The following LANCL3 variants were observed in gnomAD, a reference collection of about 807,000 sequenced individuals.
LANCL3 encodes LanC like family member 3.
In LANCL3, 19 loss-of-function variants were observed where a neutral mutation model predicts 26.5. The observed-to-expected ratio is 0.72, with a 90% CI of 0.50 to 1.05. The LOEUF is 1.05. Ranked by LOEUF, LANCL3 falls within the 50% of genes least tolerant of loss-of-function variation. The probability of loss-of-function intolerance (pLI) is 0.00; values close to 1 mark genes in which losing one functional copy is unlikely to be tolerated. For synonymous variants in LANCL3, 160 were observed against 166.6 expected (o/e 0.96, Z 0.30); for missense variants, 318 against 362.7 (o/e 0.88, Z 1.00).
intron 1 of LANCL3, among the ~76,000 whole-genome samples, chrX:37,599,691 C>T (rs2146725689): frequency 8.9e-6 from 1 of 112,470 alleles, no homozygotes; most frequent in African/African-American, 3.2e-5. Flanking sequence ...AGCACCACAA[C>T]ATACAGTGGC....
intron 1 of LANCL3, among the ~76,000 whole-genome samples, chrX:37,610,804 T>C (rs1924846102): frequency 8.9e-6 from 1 of 112,549 alleles, no homozygotes; most frequent in Non-Finnish European, 1.9e-5. Flanking sequence ...TTCACCAAGA[T>C]TAGAACTTCA....
intron 1 of LANCL3, among the ~76,000 whole-genome samples, chrX:37,618,915 C>T (rs1556421984): frequency 1.8e-5 from 2 of 111,239 alleles, no homozygotes; most frequent in African/African-American, 6.5e-5. Flanking sequence ...TCATTCAACC[C>T]CTAACACATC....
In LANCL3 at chrX:37,683,450, A is replaced by G. The variant is rs1157417545; in HGVS notation, c.*7637A>G. 2 of 112,228 alleles carry G rather than the reference A, an allele frequency of 1.8e-5. No individual in the cohort carries two copies. Among genetic ancestry groups the G allele is most frequent in the Non-Finnish European group, 3.8e-5 (2 of 53,194 alleles). 9.2% of individuals were successfully genotyped at this position (112,228 alleles called of 1,213,427 possible). On this transcript the variant is annotated 3_prime_UTR_variant, in exon 5 of 5. Coordinates refer to ENST00000378619, the MANE Select transcript of LANCL3 (RefSeq NM_001170331.2). ...AGAGTTAAAAACATAAAATTATAAA[A>G]AAAAATAATAGTGATTGGTTGTTAC...
chrX:37,641,975 G>A (rs939252218), intron 1 of LANCL3, among the ~76,000 whole-genome samples: 2 of 111,609 alleles, frequency 1.8e-5, no homozygotes, highest in African/African-American at 6.5e-5. Flanking sequence ...TCATGGTGAC[G>A]GATTGGAGGG....
rs1366914975 is a variant in LANCL3, at chrX:37,648,615, T to C, written c.574-7073T>C. Among the ~76,000 whole-genome samples, 4 of 111,692 alleles carry C rather than the reference T, an allele frequency of 3.6e-5. 1 individual carries two copies. The East Asian group carries it at 1.1e-3, about 31-fold the overall frequency. ...CAAAAGCCAAAATTGACAAATGGGA[T>C]CTAATTAAACTAAAGAGCTTCTGCA... is the stretch of plus-strand genomic sequence containing the variant. On this transcript the variant is annotated intron_variant, in intron 1 of 4. Transcript: ENST00000378619.
chrX:37,647,503 C>A (rs1366809821), intron 1 of LANCL3, among the ~76,000 whole-genome samples: 1 of 111,951 alleles, frequency 8.9e-6, no homozygotes, highest in Non-Finnish European at 1.9e-5. Flanking sequence ...TAGGCAGAAG[C>A]CTATCCTACC....
In LANCL3 at chrX:37,655,754, A is replaced by G. The variant is rs781938418; in HGVS notation, c.640A>G (p.Ile214Val). The change falls in exon 2 of 5, where the codon ATA becomes GTA. Residue 214 changes from isoleucine to valine, a missense_variant. Ile to Val is a conservative substitution (Grantham distance 29). Transcript: ENST00000378619. ...AILDSGKQYA[I>V]KKRKPFPLMY... The stretch of plus-strand genomic sequence containing the variant: ...TCTGGACTCTGGGAAGCAGTATGCC[A>G]TAAAGAAGAGGAAACCATTCCCCCT... 94 of 1,202,423 alleles carry G rather than the reference A, an allele frequency of 7.8e-5. No homozygotes were observed. The highest frequency in any genetic ancestry group is 1.0e-4 in the Non-Finnish European group (92 of 888,907).
chrX:37,600,022 T>C (rs1485739654), intron 1 of LANCL3, among the ~76,000 whole-genome samples: 1 of 111,899 alleles, frequency 8.9e-6, no homozygotes, highest in Non-Finnish European at 1.9e-5. Flanking sequence ...TGTGTATCCA[T>C]GACATGCTTC....
At chrX:37,661,389 T>C (rs1602133724) in intron 3 of LANCL3, among the ~76,000 whole-genome samples, 1 of 111,988 alleles carries the variant, frequency 8.9e-6, no homozygotes. Context: ...ATATCCTCCT[T>C]TATCATTCAT....
Position 37,619,711 on chromosome X carries a change from C to T in LANCL3, c.574-35977C>T, listed in dbSNP as rs141815538. Among the ~76,000 whole-genome samples, 24 of 111,561 alleles carry T rather than the reference C, an allele frequency of 2.2e-4. No homozygotes were observed. The East Asian group carries it at 6.8e-3, about 31-fold the overall frequency. On this transcript the variant is annotated intron_variant, in intron 1 of 4. Transcript: ENST00000378619. ...AGGAAGCAAAAAGGAGAAGTTACTC[C>T]GCAGGTATCAGTCTCTCCACTTTCT... is the stretch of plus-strand genomic sequence containing the variant.
Position 37,667,482 on chromosome X carries a change from G to A in LANCL3, c.1096G>A (p.Ala366Thr). ...GGGAAACTCTAAATACATCTACCGA[G>A]CTCAAAGGTCAGCTGTTCTTTATGG... is the stretch of plus-strand genomic sequence containing the variant. ...LTGNSKYIYR[A>T]QRFAQFLFTE... The change falls in exon 4 of 5, where the codon GCT becomes ACT. Residue 366 changes from alanine (A) to threonine (T), a missense_variant. Transcript: ENST00000378619. 8.8e-7 allele frequency: 1 copy of A among 1,139,188 alleles called. No individual in the cohort carries two copies. The highest frequency in any genetic ancestry group is 2.2e-5 in the South Asian group (1 of 46,008). 93.9% of individuals were successfully genotyped at this position (1,139,188 alleles called of 1,213,427 possible).
chrX:37,616,913 T>A (rs1925025581), intron 1 of LANCL3, among the ~76,000 whole-genome samples: 1 of 111,991 alleles, frequency 8.9e-6, no homozygotes, highest in African/African-American at 3.2e-5. Flanking sequence ...CCCAGCGGTC[T>A]GACTTTTAAC....
intron 1 of LANCL3, among the ~76,000 whole-genome samples, chrX:37,646,514 T>C (rs1296261017): frequency 8.9e-6 from 1 of 112,795 alleles, no homozygotes; most frequent in African/African-American, 3.2e-5. Flanking sequence ...ATTTAACCAC[T>C]TGTGAATATT....
chrX:37,645,050 G>A (rs1365439419), intron 1 of LANCL3, among the ~76,000 whole-genome samples: 1 of 112,650 alleles, frequency 8.9e-6, no homozygotes, highest in Non-Finnish European at 1.9e-5. Context: ...TGTGCTCTGA[G>A]ACATTTAGTG....
intron 1 of LANCL3, among the ~76,000 whole-genome samples, chrX:37,632,238 G>C (rs1435396025): frequency 9.0e-6 from 1 of 111,579 alleles, no homozygotes; most frequent in South Asian, 3.8e-4. Context: ...GATCTTTGTT[G>C]GTTTAAAGTG....
intron 1 of LANCL3, among the ~76,000 whole-genome samples, chrX:37,581,038 G>A (rs1438157089): frequency 8.9e-6 from 1 of 112,148 alleles, no homozygotes; most frequent in Non-Finnish European, 1.9e-5. Flanking sequence ...TTTTAGCTCA[G>A]TGAGTCTGGA....
chrX:37,628,762 A>G (rs1925391481), intron 1 of LANCL3, among the ~76,000 whole-genome samples: 1 of 109,256 alleles, frequency 9.2e-6, no homozygotes, highest in Non-Finnish European at 1.9e-5. Flanking sequence ...CCATGTCCCT[A>G]CAAAGGATAT....
intron 1 of LANCL3, among the ~76,000 whole-genome samples, chrX:37,645,205 T>G (rs1433000637): frequency 8.9e-6 from 1 of 112,434 alleles, no homozygotes. Flanking sequence ...TAGTGTTTTC[T>G]GGGTTTATGT....
chrX:37,634,417 G>C (rs1485735314), intron 1 of LANCL3, among the ~76,000 whole-genome samples: 2 of 113,025 alleles, frequency 1.8e-5, no homozygotes, highest in Non-Finnish European at 3.7e-5. Flanking sequence ...GCCTCGCCCT[G>C]CTTCGGCTCG....
Sources: allele counts gnomAD v4.1 joint callset (sites outside exome capture counted in the v4.1 genomes callset), GRCh38; gene constraint gnomAD v4.1.1; transcripts MANE v1.5; gene names NCBI Gene and HGNC (gene_info 2026-07-23, HGNC 2026-07-21).